The following GSAP variants were observed in gnomAD, a reference collection of about 807,000 sequenced individuals.
GSAP encodes gamma-secretase-activating protein.
A neutral mutation model predicts 131.7 loss-of-function variants in GSAP; 118 were observed. That is an observed-to-expected ratio of 0.90 (90% CI 0.77 to 1.04). The LOEUF is 1.04. Ranked by LOEUF, GSAP falls within the 50% of genes least tolerant of loss-of-function variation. The pLI, the probability that GSAP is intolerant of heterozygous loss-of-function variation, is 0.00. For synonymous variants in GSAP, 381 were observed against 363.4 expected, an observed-to-expected ratio of 1.05 and a Z score of -0.55; for missense variants, 1,019 against 1,013.2, an observed-to-expected ratio of 1.01 and a Z score of -0.08.
intron 27 of GSAP, among the ~76,000 whole-genome samples, chr7:77,313,998 C>T (rs1001968267): frequency 6.6e-5 from 10 of 152,162 alleles, no homozygotes; most frequent in African/African-American, 1.7e-4. Context: ...AACAAGCCTG[C>T]AGAGGTTCCT....
Position 77,416,255 on chromosome 7 carries a change from G to T in GSAP, c.67C>A (p.Arg23=). Residue 23 remains arginine (R), a synonymous_variant, in exon 1 of 31, where the codon CGG becomes AGG. Coordinates refer to ENST00000257626, the MANE Select transcript of GSAP (RefSeq NM_017439.4). ...GCCCCGCTGGCCTCCGACACTGCCC[G>T]CTGCGCCCGCAACCACGGGAGCACG... ...KDVLPWLRAQ[R]AVSEASGAGS... is the part of the protein sequence containing the mutation. 1 of 1,448,916 alleles carries T rather than the reference G, an allele frequency of 6.9e-7. No individual in the cohort carries two copies. The allele number at this position is 1,448,916 out of a possible 1,614,324, so 89.8% of individuals were successfully genotyped here.
intron 1 of GSAP, among the ~76,000 whole-genome samples, chr7:77,410,630 T>C (rs1005319407): frequency 5.9e-5 from 9 of 152,206 alleles, no homozygotes; most frequent in Non-Finnish European, 1.2e-4. Context: ...ATAGCTCTTG[T>C]AAAACAAAAG....
At chr7:77,350,504 G>A (rs933894211) in intron 18 of GSAP, among the ~76,000 whole-genome samples, 1 of 150,898 alleles carries the variant, frequency 6.6e-6, no homozygotes, top group Non-Finnish European at 1.5e-5. Context: ...GGGAGGCCAA[G>A]GCTGGCAGAT....
At chr7:77,311,619 C>G in intron 30 of GSAP, 170 bp from the exon 31 acceptor site, 1 of 591,820 alleles carries the variant, frequency 1.7e-6, no homozygotes, top group Non-Finnish European at 3.0e-6. Flanking sequence ...TTTGCATCAA[C>G]CAAATGGGCT....
intron 13 of GSAP, 105 bp from the exon 14 acceptor site, chr7:77,361,006 G>C: frequency 5.8e-6 from 4 of 684,862 alleles, no homozygotes; most frequent in South Asian, 4.9e-5. Flanking sequence ...CCATGAAACT[G>C]GTAAGCAGGC....
intron 1 of GSAP, among the ~76,000 whole-genome samples, chr7:77,407,081 A>C (rs373066977): frequency 1.1e-4 from 17 of 152,306 alleles, no homozygotes; most frequent in African/African-American, 3.8e-4. Flanking sequence ...TTGACCACAC[A>C]CCAAGTCGGA....
intron 3 of GSAP, among the ~76,000 whole-genome samples, chr7:77,403,584 A>G (rs1478778675): frequency 6.6e-6 from 1 of 152,250 alleles, no homozygotes. Context: ...AAATAAGGAA[A>G]GGGGTTCCTT....
At chr7:77,340,522 T>C (rs10224704) in intron 19 of GSAP, among the ~76,000 whole-genome samples, 29,682 of 152,084 alleles carry the variant, frequency 0.2, 4,215 homozygotes, top group East Asian at 0.44. Flanking sequence ...GGGTAGGCAG[T>C]CTTTTCACTC....
intron 3 of GSAP, among the ~76,000 whole-genome samples, chr7:77,403,619 G>T (rs1279006486): frequency 6.6e-6 from 1 of 152,160 alleles, no homozygotes; most frequent in Non-Finnish European, 1.5e-5. Flanking sequence ...GAAATAATGA[G>T]AAACAAGACA....
chr7:77,388,696 C>T (rs1798943063), intron 5 of GSAP, among the ~76,000 whole-genome samples: 3 of 152,070 alleles, frequency 2.0e-5, no homozygotes, highest in South Asian at 4.1e-4. Flanking sequence ...GGCACAGAAG[C>T]GTGGAATTTA....
At chr7:77,376,953 GA>G in intron 9 of GSAP, 46 bp from the exon 10 acceptor site, 1 of 1,076,424 alleles carries the variant, frequency 9.3e-7, no homozygotes, top group Non-Finnish European at 1.4e-6. Flanking sequence ...AGGAAAAAAA[GA>G]AAAGGAAGCA....
chr7:77,401,089 G>A (rs142670261), intron 3 of GSAP, among the ~76,000 whole-genome samples: 3 of 151,778 alleles, frequency 2.0e-5, no homozygotes, highest in Non-Finnish European at 4.4e-5. Context: ...TCAGAGATCC[G>A]GGTGACTGTA....
chr7:77,341,261 C>T (rs916558024), intron 19 of GSAP, among the ~76,000 whole-genome samples: 2 of 152,130 alleles, frequency 1.3e-5, no homozygotes, highest in African/African-American at 4.8e-5. Context: ...TCTGTTCCTT[C>T]AGTCTCCACC....
chr7:77,312,101 C>A lies in GSAP; in HGVS notation c.2373G>T (p.Gln791His). 6.4e-7 allele frequency: 1 copy of A among 1,567,540 alleles called. No homozygotes were observed. The highest frequency in any genetic ancestry group is 1.2e-5 in the South Asian group (1 of 86,928). Residue 791 changes from glutamine to histidine, a missense_variant and splice_region_variant, in exon 29 of 31, where the codon CAG (glutamine) becomes CAT (histidine). Physicochemically the swap from Gln to His is conservative, Grantham distance 24. Transcript: ENST00000257626. The stretch of plus-strand genomic sequence containing the variant: ...TGGCTGTGCTTTCAGAGAAACTCAC[C>A]TGTTTCTTATAGTTCTGAAGCAGTC... ...VTRLLQNYKKQPRNSMINKSS... is the reference protein window; with the variant it reads ...VTRLLQNYKKHPRNSMINKSS...
chr7:77,327,783 G>A (rs1788530549), intron 22 of GSAP, among the ~76,000 whole-genome samples: 1 of 152,006 alleles, frequency 6.6e-6, no homozygotes, highest in African/African-American at 2.4e-5. Flanking sequence ...TAACTCACCT[G>A]TCAGCCCTCT....
At chr7:77,391,125 C>CAAAAAAAAAAAA (rs3083869) in intron 5 of GSAP, among the ~76,000 whole-genome samples, 20 of 65,036 alleles carry the variant, frequency 3.1e-4, no homozygotes, top group African/African-American at 7.1e-4. Context: ...GGCTCCGTCT[C>CAAAAAAAAAAAA]AAAAAAAAAA....
intron 26 of GSAP, among the ~76,000 whole-genome samples, chr7:77,320,292 G>T (rs745905032): frequency 6.6e-6 from 1 of 152,262 alleles, no homozygotes; most frequent in East Asian, 1.9e-4. Context: ...TTTGTGGCCT[G>T]ACTTGATCCT....
At chr7:77,370,523 A>C (rs1350477901) in intron 12 of GSAP, among the ~76,000 whole-genome samples, 1 of 152,096 alleles carries the variant, frequency 6.6e-6, no homozygotes, top group Non-Finnish European at 1.5e-5. Flanking sequence ...TGCTCCCTCC[A>C]TGTGAGCTCC....
At chr7:77,378,333 A>T (rs188682864) in intron 8 of GSAP, among the ~76,000 whole-genome samples, 2 of 152,068 alleles carry the variant, frequency 1.3e-5, no homozygotes, top group Non-Finnish European at 2.9e-5. Flanking sequence ...AAAATACAAA[A>T]ATTAGCCAGG....
Sources: gnomAD v4.1 joint callset for allele counts (sites outside exome capture counted in the v4.1 genomes callset) on GRCh38, gnomAD v4.1.1 for gene constraint, MANE v1.5 for transcripts, NCBI Gene and HGNC (gene_info 2026-07-23, HGNC 2026-07-21) for gene names.